Variants in B3GALT1 observed in about 807,000 individuals in gnomAD.
The protein encoded by B3GALT1 is UDP-Gal:betaGlcNAc beta 1,3-galactosyltransferase, polypeptide 1.
Under a neutral mutation model 23.2 loss-of-function variants are expected in B3GALT1, and 10 were observed. That is an observed-to-expected ratio of 0.43 (90% CI 0.27 to 0.73). The LOEUF (loss-of-function observed/expected upper bound fraction) is 0.73. B3GALT1 is among the 30% of genes least tolerant of loss of function. The pLI, the probability that B3GALT1 is intolerant of heterozygous loss-of-function variation, is 0.21. For synonymous variants in B3GALT1, 156 were observed against 141.5 expected (o/e 1.10, Z -0.73); for missense variants, 299 against 405.4 (o/e 0.74, Z 2.25).
intron 3 of B3GALT1, among the ~76,000 whole-genome samples, chr2:167,654,693 G>T (rs894672807): frequency 4.6e-5 from 7 of 151,682 alleles, no homozygotes; most frequent in African/African-American, 1.7e-4. Context: ...ACAGGATCTT[G>T]CTTTGTTGCC....
chr2:167,581,856 CTTAAAA>C (rs1365251028), intron 2 of B3GALT1, among the ~76,000 whole-genome samples: 1 of 152,100 alleles, frequency 6.6e-6, no homozygotes, highest in African/African-American at 2.4e-5. Flanking sequence ...CACATGGGTC[CTTAAAA>C]TTAGAGTGCC....
chr2:167,429,147 G>A lies in B3GALT1; in HGVS notation c.-510-61030G>A, dbSNP rs184720480. On this transcript the variant is annotated intron_variant, in intron 1 of 4. Transcript: ENST00000392690. ...ACAAAAAAAATTAGCCGGGCATGGT[G>A]GCGGGCACCTGTAGTCCCAGCTACT... Among the ~76,000 whole-genome samples, 720 of 152,076 alleles carry A rather than the reference G, an allele frequency of 4.7e-3. 6 individuals carry two copies. Among genetic ancestry groups the A allele is most frequent in the East Asian group, 0.018 (93 of 5,150 alleles).
chr2:167,785,068 G>A (rs900576079), intron 3 of B3GALT1, among the ~76,000 whole-genome samples: 2 of 152,160 alleles, frequency 1.3e-5, no homozygotes, highest in Non-Finnish European at 2.9e-5. Context: ...TGGTGACCCT[G>A]GAGAAGTCAG....
chr2:167,322,232 T>A (rs1696825464), intron 1 of B3GALT1, among the ~76,000 whole-genome samples: 1 of 151,888 alleles, frequency 6.6e-6, no homozygotes, highest in Admixed American at 6.6e-5. Flanking sequence ...AAGGGATTAT[T>A]CTGATAAAAT....
chr2:167,343,342 TTAAA>T (rs1355723359), intron 1 of B3GALT1, among the ~76,000 whole-genome samples: 2 of 152,202 alleles, frequency 1.3e-5, no homozygotes, highest in Non-Finnish European at 2.9e-5. Flanking sequence ...ATAATCAATG[TTAAA>T]TAAAAGCAAT....
intron 3 of B3GALT1, among the ~76,000 whole-genome samples, chr2:167,730,978 C>T (rs1214558583): frequency 6.6e-6 from 1 of 152,146 alleles, no homozygotes; most frequent in African/African-American, 2.4e-5. Flanking sequence ...GTATCCTCCT[C>T]AGTTTGTAGA....
chr2:167,462,811 T>A (rs915122561), intron 1 of B3GALT1, among the ~76,000 whole-genome samples: 1 of 152,176 alleles, frequency 6.6e-6, no homozygotes, highest in African/African-American at 2.4e-5. Flanking sequence ...ATATATTTTT[T>A]AAAACTAATG....
intron 4 of B3GALT1, among the ~76,000 whole-genome samples, chr2:167,835,542 GGT>G: frequency 6.6e-6 from 1 of 152,324 alleles, no homozygotes; most frequent in South Asian, 2.1e-4. Context: ...GCTCCAACTG[GGT>G]GGAGCCCACC....
At position 167,531,888 on chromosome 2, in the gene B3GALT1, T is replaced by A. The variant is rs564716628; in HGVS notation, c.-410+41611T>A. On this transcript the variant is annotated intron_variant, in intron 2 of 4. Transcript: ENST00000392690. ...ATTGTGAATATTTTGGCTCAATGGG[T>A]TTTTTCTGCACAAAACATTTAAATT... Among the ~76,000 whole-genome samples, 201 of 152,212 alleles carry A rather than the reference T, an allele frequency of 1.3e-3. 2 individuals are homozygous for A. The highest frequency in any genetic ancestry group is 2.2e-3 in the Non-Finnish European group (150 of 67,992).
chr2:167,839,399 G>A (rs1221241188), intron 4 of B3GALT1, among the ~76,000 whole-genome samples: 30 of 151,944 alleles, frequency 2.0e-4, no homozygotes, highest in Middle Eastern at 3.4e-3. Flanking sequence ...CAAACAGAGA[G>A]CCAAATCATG....
chr2:167,613,795 A>G (rs1271718341), intron 2 of B3GALT1, among the ~76,000 whole-genome samples: 2 of 151,816 alleles, frequency 1.3e-5, no homozygotes, highest in East Asian at 3.9e-4. Flanking sequence ...AACTTCCAAA[A>G]TATGTGGTTT....
intron 1 of B3GALT1, among the ~76,000 whole-genome samples, chr2:167,385,427 G>C (rs1175399849): frequency 6.6e-6 from 1 of 152,120 alleles, no homozygotes; most frequent in Non-Finnish European, 1.5e-5. Context: ...AGGTGAAATT[G>C]TATCTTTTTT....
intron 3 of B3GALT1, among the ~76,000 whole-genome samples, chr2:167,752,542 C>T (rs893371643): frequency 2.0e-5 from 3 of 151,150 alleles, no homozygotes; most frequent in South Asian, 2.1e-4. Flanking sequence ...AAACTGCAGA[C>T]CTTTCCATCA....
chr2:167,467,397 A>T (rs943964310), intron 1 of B3GALT1, among the ~76,000 whole-genome samples: 12 of 152,212 alleles, frequency 7.9e-5, no homozygotes, highest in Admixed American at 7.9e-4. Flanking sequence ...ATAATAGAGC[A>T]AACAGTAAAA....
intron 1 of B3GALT1, among the ~76,000 whole-genome samples, chr2:167,308,960 C>T (rs1195973088): frequency 1.3e-5 from 2 of 152,012 alleles, no homozygotes; most frequent in East Asian, 3.9e-4. Context: ...TGTTTTTAGT[C>T]ATATTCATTG....
At chr2:167,431,766 T>A (rs2105307657) in intron 1 of B3GALT1, among the ~76,000 whole-genome samples, 1 of 152,322 alleles carries the variant, frequency 6.6e-6, no homozygotes, top group East Asian at 1.9e-4. Flanking sequence ...CACTTAAAAT[T>A]ATTACCTGAA....
intron 2 of B3GALT1, among the ~76,000 whole-genome samples, chr2:167,492,980 T>G (rs1361919942): frequency 6.6e-6 from 1 of 152,102 alleles, no homozygotes; most frequent in Non-Finnish European, 1.5e-5. Context: ...AATAAAAATA[T>G]GCAGAAGATA....
At chr2:167,484,663 T>C (rs367569972) in intron 1 of B3GALT1, among the ~76,000 whole-genome samples, 2 of 152,290 alleles carry the variant, frequency 1.3e-5, no homozygotes, top group East Asian at 3.9e-4. Flanking sequence ...CAAGGTTCTA[T>C]TATGTAGATG....
At chr2:167,393,682 G>A (rs1459303779) in intron 1 of B3GALT1, among the ~76,000 whole-genome samples, 1 of 145,968 alleles carries the variant, frequency 6.9e-6, no homozygotes, top group African/African-American at 2.8e-5. Flanking sequence ...TAACCTTTTG[G>A]AATTTCATCT....
Sources: allele counts gnomAD v4.1 joint callset (sites outside exome capture counted in the v4.1 genomes callset), GRCh38; gene constraint gnomAD v4.1.1; transcripts MANE v1.5; gene names NCBI Gene and HGNC (gene_info 2026-07-23, HGNC 2026-07-21).